AGBL4: variants seen among roughly 807,000 people sequenced by gnomAD.
The protein encoded by AGBL4 is AGBL carboxypeptidase 4.
In AGBL4, 58 loss-of-function variants were observed where a neutral mutation model predicts 66.4. The ratio of observed to expected loss-of-function variants is 0.87; its 90% CI spans 0.71 to 1.09. The LOEUF (loss-of-function observed/expected upper bound fraction) is 1.09, where lower values mean the gene tolerates loss of function less well. AGBL4 is among the 50% of genes least tolerant of loss of function. The pLI is 0.00. For missense variants in AGBL4, 579 were observed against 631.0 expected (o/e 0.92, Z 0.88); for synonymous variants, 234 against 222.9 (o/e 1.05, Z -0.44).
At chr1:48,761,562 A>C in intron 6 of AGBL4, 1 of 1,321,632 alleles carries the variant, frequency 7.6e-7, no homozygotes, top group Non-Finnish European at 1.0e-6. Context: ...GCTAGAAAAT[A>C]ATTGAGGCCA....
chr1:49,179,369 T>C (rs953231786), intron 4 of AGBL4, among the ~76,000 whole-genome samples: 2 of 151,678 alleles, frequency 1.3e-5, no homozygotes, highest in African/African-American at 4.8e-5. Flanking sequence ...AAGAAAAAAA[T>C]GGGTTAGAAA....
At chr1:48,956,943 A>G (rs1657501099) in intron 5 of AGBL4, among the ~76,000 whole-genome samples, 1 of 152,206 alleles carries the variant, frequency 6.6e-6, no homozygotes, top group African/African-American at 2.4e-5. Flanking sequence ...TAATTTTTAA[A>G]TATTTCAAAT....
At chr1:49,526,935 T>C (rs2148808420) in intron 3 of AGBL4, among the ~76,000 whole-genome samples, 1 of 152,278 alleles carries the variant, frequency 6.6e-6, no homozygotes, top group Non-Finnish European at 1.5e-5. Flanking sequence ...AGCAGCCAGA[T>C]AACTGAGATA....
At chr1:49,895,982 C>T (rs930577684) in intron 1 of AGBL4, among the ~76,000 whole-genome samples, 10 of 145,382 alleles carry the variant, frequency 6.9e-5, no homozygotes, top group Non-Finnish European at 1.2e-4. Context: ...CTGTTGCCTA[C>T]AAGAAACACA....
At chr1:48,940,749 A>C (rs1233200017) in intron 5 of AGBL4, among the ~76,000 whole-genome samples, 5 of 152,188 alleles carry the variant, frequency 3.3e-5, no homozygotes, top group Admixed American at 6.5e-5. Context: ...TCAGTGACAA[A>C]CTTTTAAATA....
intron 3 of AGBL4, among the ~76,000 whole-genome samples, chr1:49,259,751 G>A (rs1652926890): frequency 7.9e-6 from 1 of 127,306 alleles, no homozygotes; most frequent in African/African-American, 3.0e-5. Context: ...AGATCAACGA[G>A]ACAGAAAGTT....
chr1:49,448,432 G>A (rs1646206732), intron 3 of AGBL4, among the ~76,000 whole-genome samples: 1 of 152,116 alleles, frequency 6.6e-6, no homozygotes, highest in Admixed American at 6.6e-5. Flanking sequence ...AGAGAAACTT[G>A]TCTCTCCCCG....
rs544484595 is a variant in AGBL4 at position 49,095,005 on chromosome 1, T to C, written c.378-49205A>G. Among the ~76,000 whole-genome samples, 172 of 152,280 alleles carry C rather than the reference T, an allele frequency of 1.1e-3. 2 individuals carry two copies. In the South Asian group the frequency reaches 0.015, roughly 14 times the overall value. On this transcript the variant is annotated intron_variant, in intron 4 of 13. Coordinates refer to ENST00000371839, the MANE Select transcript of AGBL4 (RefSeq NM_032785.4). The stretch of plus-strand genomic sequence containing the variant: ...GCAAAGTCTCAGGATACAAAATCAA[T>C]GTGCAAAAATCACAAGCATTCTTAT...
chr1:49,736,062 C>T (rs897098442), intron 2 of AGBL4, among the ~76,000 whole-genome samples: 4 of 151,980 alleles, frequency 2.6e-5, no homozygotes, highest in Non-Finnish European at 1.5e-5. Flanking sequence ...AGCACATCAA[C>T]ATGCACATAC....
intron 4 of AGBL4, among the ~76,000 whole-genome samples, chr1:49,116,850 A>G (rs868868242): frequency 6.8e-4 from 103 of 152,018 alleles, no homozygotes; most frequent in African/African-American, 2.3e-3. Context: ...GTGTAAAAGC[A>G]CTTCTATTTC....
intron 2 of AGBL4, among the ~76,000 whole-genome samples, chr1:49,735,418 C>A: frequency 6.6e-6 from 1 of 150,496 alleles, no homozygotes; most frequent in East Asian, 1.9e-4. Context: ...CAGTCGGCCT[C>A]TAGATGATGG....
At chr1:49,175,879 T>G (rs1646821276) in intron 4 of AGBL4, among the ~76,000 whole-genome samples, 1 of 152,146 alleles carries the variant, frequency 6.6e-6, no homozygotes, top group Admixed American at 6.6e-5. Flanking sequence ...AGATGCTACC[T>G]GTGTAGATGA....
At chr1:48,866,029 C>T (rs1648036101) in intron 6 of AGBL4, among the ~76,000 whole-genome samples, 1 of 152,110 alleles carries the variant, frequency 6.6e-6, no homozygotes, top group African/African-American at 2.4e-5. Context: ...TATCTTTATT[C>T]TTCAGAAGTC....
Position 49,689,748 on chromosome 1 carries a change from C to T in AGBL4, c.282+7565G>A, listed in dbSNP as rs561935472. Among the ~76,000 whole-genome samples, 3 of 152,142 alleles carry T rather than the reference C, an allele frequency of 2.0e-5. 1 individual carries two copies. In the East Asian group the frequency reaches 5.8e-4, roughly 29 times the overall value. On this transcript the variant is annotated intron_variant, in intron 3 of 13. Coordinates refer to ENST00000371839, the MANE Select transcript of AGBL4 (RefSeq NM_032785.4). ...TTCTGTCCTCTTCAATTTCTTTGAT[C>T]AATATTTTATAGTCTTCCATAAACG...
At chr1:49,470,838 C>A (rs1168862687) in intron 3 of AGBL4, among the ~76,000 whole-genome samples, 1 of 152,040 alleles carries the variant, frequency 6.6e-6, no homozygotes, top group East Asian at 1.9e-4. Context: ...TATGGGGCAG[C>A]CTTGCTCTGC....
At chr1:49,603,976 ACACAC>A (rs1645017853) in intron 3 of AGBL4, among the ~76,000 whole-genome samples, 2 of 118,518 alleles carry the variant, frequency 1.7e-5, no homozygotes, top group Admixed American at 8.5e-5. Context: ...ACACACACAC[ACACAC>A]CACATTTTAG....
intron 3 of AGBL4, among the ~76,000 whole-genome samples, chr1:49,403,150 A>G (rs1270347419): frequency 6.6e-6 from 1 of 152,222 alleles, no homozygotes; most frequent in Non-Finnish European, 1.5e-5. Flanking sequence ...TGCTTTATAT[A>G]TGTGAGTGCT....
At chr1:48,671,957 T>A (rs1160638875) in intron 6 of AGBL4, among the ~76,000 whole-genome samples, 1 of 152,206 alleles carries the variant, frequency 6.6e-6, no homozygotes, top group African/African-American at 2.4e-5. Flanking sequence ...CCAGGTTTAG[T>A]TTCAGGCTTA....
chr1:49,672,921 CAAAAAAAAAAAA>C (rs60612868), intron 3 of AGBL4, among the ~76,000 whole-genome samples: 1 of 47,058 alleles, frequency 2.1e-5, no homozygotes, highest in Non-Finnish European at 5.0e-5. Flanking sequence ...AACTCCATCT[CAAAAAAAAAAAA>C]AAAAAAAAGA....
Sources: gnomAD v4.1 joint callset for allele counts (sites outside exome capture counted in the v4.1 genomes callset) on GRCh38, gnomAD v4.1.1 for gene constraint, MANE v1.5 for transcripts, NCBI Gene and HGNC (gene_info 2026-07-23, HGNC 2026-07-21) for gene names.